The following NOXRED1 variants were observed in gnomAD, a reference collection of about 807,000 sequenced individuals.
NOXRED1 encodes the protein NADP dependent oxidoreductase domain containing 1, also known as NADP-dependent oxidoreductase domain-containing protein 1.
In NOXRED1, 20 loss-of-function variants were observed where a neutral mutation model predicts 30.4. The observed-to-expected ratio is 0.66, with a 90% CI of 0.46 to 0.96. The LOEUF (loss-of-function observed/expected upper bound fraction) is 0.96. Ranked by LOEUF, NOXRED1 falls within the 40% of genes least tolerant of loss-of-function variation. The probability of loss-of-function intolerance (pLI) is 0.00; values close to 1 mark genes in which losing one functional copy is unlikely to be tolerated. For synonymous variants in NOXRED1, 155 were observed against 168.0 expected (o/e 0.92, Z 0.60); for missense variants, 374 against 428.0 (o/e 0.87, Z 1.11).
At chr14:77,416,494 T>C (rs560261529) in intron 1 of NOXRED1, among the ~76,000 whole-genome samples, 24 of 152,284 alleles carry the variant, frequency 1.6e-4, no homozygotes, top group African/African-American at 2.6e-4. Flanking sequence ...ATACAGCACA[T>C]GTTTCAGAGA....
Position 77,406,017 on chromosome 14 carries a change from G to A in NOXRED1, c.801C>T (p.Leu267=), listed in dbSNP as rs377653827. 27 of 1,613,654 alleles carry A rather than the reference G, an allele frequency of 1.7e-5. No individual in the cohort carries two copies. In the African/African-American group the frequency reaches 2.7e-4, roughly 16 times the overall value. The change falls in exon 5 of 6, where the codon CTC becomes CTT. Residue 267 remains leucine (L), a synonymous_variant. Transcript: ENST00000380835. ...QVLQLLSELF[L]SVHFEDCGKD... ...TCCCACAGTCTTCAAAGTGCACGGA[G>A]AGAAAGAGTTCACTCAGAAGCTGCA...
chr14:77,416,892 C>G (rs1411380754), intron 1 of NOXRED1, among the ~76,000 whole-genome samples: 2 of 152,186 alleles, frequency 1.3e-5, no homozygotes, highest in East Asian at 3.9e-4. Flanking sequence ...CTCCTCACCT[C>G]CCAGTAGGGG....
At chr14:77,424,615 C>T (rs1018337836), upstream of NOXRED1, among the ~76,000 whole-genome samples, 3 of 152,110 alleles carry the variant, frequency 2.0e-5, no homozygotes, top group Admixed American at 6.5e-5. Flanking sequence ...CTTCCTGCTC[C>T]GAAGGAAAAA....
intron 2 of NOXRED1, among the ~76,000 whole-genome samples, chr14:77,413,385 C>CAT (rs1894714002): frequency 4.6e-5 from 7 of 151,858 alleles, no homozygotes; most frequent in Non-Finnish European, 8.8e-5. Flanking sequence ...ACTACAGGCA[C>CAT]GCACCATCAT....
rs565302520 is a variant in NOXRED1, at chr14:77,402,630, G to A, written c.905+3283C>T. On this transcript the variant is annotated intron_variant, in intron 5 of 5. Transcript: ENST00000380835. ...GCCTGGGCAACAAGAGCAAACCTCC[G>A]TCTCAAAAAAATTCAACAATAGGAA... Among the ~76,000 whole-genome samples the A allele has an allele frequency of 3.3e-3, 505 of 152,054 alleles. 4 individuals are homozygous for A. Among genetic ancestry groups the A allele is most frequent in the Non-Finnish European group, 5.7e-3 (387 of 68,000 alleles).
chr14:77,414,180 T>TA, intron 1 of NOXRED1, 53 bp from the exon 2 acceptor site: 1 of 1,002,574 alleles, frequency 1.0e-6, no homozygotes. Context: ...CACTAGTTTT[T>TA]CTTTTTTTTT....
At chr14:77,408,892 A>ATTTTTTTTATTTTTTTTTTTT (rs1894556754) in intron 2 of NOXRED1, among the ~76,000 whole-genome samples, 1 of 68,154 alleles carries the variant, frequency 1.5e-5, no homozygotes, top group African/African-American at 5.1e-5. Flanking sequence ...CTGGTAGTTA[A>ATTTTTTTTATTTTTTTTTTTT]TTTTTTTTTT....
At chr14:77,403,248 C>T (rs998140290) in intron 5 of NOXRED1, among the ~76,000 whole-genome samples, 2 of 151,954 alleles carry the variant, frequency 1.3e-5, no homozygotes, top group African/African-American at 4.8e-5. Context: ...TAGAAGGAAA[C>T]CTTTTGTTTT....
At chr14:77,425,450 C>G (rs2139711631), upstream of NOXRED1, among the ~76,000 whole-genome samples, 1 of 152,320 alleles carries the variant, frequency 6.6e-6, no homozygotes, top group Middle Eastern at 3.4e-3. Flanking sequence ...GAACCCTAAC[C>G]AATATACTAG....
intron 1 of NOXRED1, among the ~76,000 whole-genome samples, chr14:77,416,658 C>G (rs1280707387): frequency 5.2e-5 from 8 of 152,384 alleles, no homozygotes; most frequent in South Asian, 2.1e-4. Context: ...CACCCTTCCC[C>G]CCTTTCTATT....
chr14:77,406,019 G>A lies in NOXRED1; in HGVS notation c.799C>T (p.Leu267Phe). ...QVLQLLSELF[L>F]SVHFEDCGKD... Reference sequence around the variant, plus strand: ...CCACAGTCTTCAAAGTGCACGGAGAGAAAGAGTTCACTCAGAAGCTGCAGC... The same window carrying A: ...CCACAGTCTTCAAAGTGCACGGAGAAAAAGAGTTCACTCAGAAGCTGCAGC... Residue 267 changes from leucine to phenylalanine, a missense_variant, in exon 5 of 6, where the codon CTC becomes TTC. Physicochemically the swap from Leu to Phe is conservative, Grantham distance 22. Transcript: ENST00000380835. 1 of 1,613,710 alleles carries A rather than the reference G, an allele frequency of 6.2e-7. No homozygotes were observed. The highest frequency in any genetic ancestry group is 8.5e-7 in the Non-Finnish European group (1 of 1,179,686).
chr14:77,403,739 C>T (rs997563585), intron 5 of NOXRED1, among the ~76,000 whole-genome samples: 1 of 152,142 alleles, frequency 6.6e-6, no homozygotes, highest in African/African-American at 2.4e-5. Flanking sequence ...AATAGACCTA[C>T]ATCATGGCAC....
At chr14:77,406,545 C>T in intron 4 of NOXRED1, 179 bp downstream of exon 4, 1 of 728,804 alleles carries the variant, frequency 1.4e-6, no homozygotes, top group Non-Finnish European at 2.4e-6. Context: ...AATGATCAAG[C>T]TTCTCAGCTC....
chr14:77,412,440 A>C (rs1312230528), intron 2 of NOXRED1, among the ~76,000 whole-genome samples: 3 of 152,190 alleles, frequency 2.0e-5, no homozygotes, highest in Non-Finnish European at 4.4e-5. Flanking sequence ...AGGGAGATGC[A>C]AGAGACTGTG....
At chr14:77,408,765 C>T (rs1163909373) in intron 2 of NOXRED1, among the ~76,000 whole-genome samples, 1 of 151,868 alleles carries the variant, frequency 6.6e-6, no homozygotes, top group Non-Finnish European at 1.5e-5. Flanking sequence ...AAATCAGAGG[C>T]TGAGAAGGGT....
chr14:77,414,316 A>G (rs555217604), intron 1 of NOXRED1, among the ~76,000 whole-genome samples, 189 bp from the exon 2 acceptor site: 1 of 151,436 alleles, frequency 6.6e-6, no homozygotes, highest in South Asian at 2.1e-4. Flanking sequence ...AGTAGCTGGG[A>G]CTACAGGTGC....
chr14:77,403,032 T>C (rs1196555718), intron 5 of NOXRED1, among the ~76,000 whole-genome samples: 1 of 151,108 alleles, frequency 6.6e-6, no homozygotes, highest in Non-Finnish European at 1.5e-5. Flanking sequence ...TGAAACTCCG[T>C]CTCAGAAAAA....
At position 77,394,776 on chromosome 14, in the gene NOXRED1, A is replaced by ACAG. The variant is rs1455306060; in HGVS notation, c.932_934dup (p.Ala311dup). The ACAG allele has an allele frequency of 6.2e-7, 1 of 1,613,724 alleles. No homozygotes were observed. Among genetic ancestry groups the ACAG allele is most frequent in the African/African-American group, 1.3e-5 (1 of 74,948 alleles). ...GCTAAACGGAGTTTCCTTGAGTTGC[A>ACAG]CAGCAGTCAGATCAAACCAGGGGAA... On this transcript the variant is annotated inframe_insertion, in exon 6 of 6. Coordinates refer to ENST00000380835, the MANE Select transcript of NOXRED1 (RefSeq NM_001113475.3).
chr14:77,404,641 AG>A (rs1894410223), intron 5 of NOXRED1, among the ~76,000 whole-genome samples: 1 of 152,148 alleles, frequency 6.6e-6, no homozygotes, highest in South Asian at 2.1e-4. Flanking sequence ...TGAAAAGAAA[AG>A]GGCCTAGGAT....
Sources: allele counts gnomAD v4.1 joint callset (sites outside exome capture counted in the v4.1 genomes callset), GRCh38; gene constraint gnomAD v4.1.1; transcripts MANE v1.5; gene names NCBI Gene and HGNC (gene_info 2026-07-23, HGNC 2026-07-21).